The following MYO5C variants were observed in gnomAD, a reference collection of about 807,000 sequenced individuals.
MYO5C encodes the protein myosin VC.
MYO5C carries 194 observed loss-of-function variants against 235.7 expected under a neutral mutation model. That is an observed-to-expected ratio of 0.82 (90% CI 0.73 to 0.93). MYO5C has a LOEUF of 0.93. Ranked by LOEUF, MYO5C falls within the 40% of genes least tolerant of loss-of-function variation. The pLI is 0.00. For missense variants in MYO5C, 2,038 were observed against 2,127.2 expected (o/e 0.96, Z 0.82); for synonymous variants, 707 against 754.8 (o/e 0.94, Z 1.04).
chr15:52,237,435 C>G, intron 22 of MYO5C, 47 bp downstream of exon 22: 1 of 1,576,552 alleles, frequency 6.3e-7, no homozygotes, highest in Non-Finnish European at 8.6e-7. Context: ...ATCTTTTTCA[C>G]AGAGAGTCCG....
At chr15:52,225,751 T>C (rs897335476) in intron 25 of MYO5C, among the ~76,000 whole-genome samples, 4 of 152,126 alleles carry the variant, frequency 2.6e-5, no homozygotes, top group Non-Finnish European at 4.4e-5. Flanking sequence ...GTTGTATCAG[T>C]AGAATTAACT....
rs576821705 is a variant in MYO5C, at chr15:52,236,401, C to T, written c.2869-638G>A. ...TTGAAAATGCAGCAGAGGCTGGGCA[C>T]GGTGGCTCACACCTGTAATCCCTGC... On this transcript the variant is annotated intron_variant, in intron 22 of 40. Transcript: ENST00000261839. Among the ~76,000 whole-genome samples, 5 of 152,280 alleles carry T rather than the reference C, an allele frequency of 3.3e-5. No homozygotes were observed. The East Asian group carries it at 5.8e-4, about 18-fold the overall frequency.
At position 52,291,736 on chromosome 15, in the gene MYO5C, T is replaced by TTTTTTTTG. The variant is rs2037394221; in HGVS notation, c.27+3873_27+3874insCAAAAAAA. On this transcript the variant is annotated intron_variant, in intron 1 of 40. Coordinates refer to ENST00000261839, the MANE Select transcript of MYO5C (RefSeq NM_018728.4). ...TCTTTGTTTGCATATTTTATGTTTTTTTTTTTTTTTTTTTTTTTTTGAGAC... is the reference window on the plus strand; with the variant it reads ...TCTTTGTTTGCATATTTTATGTTTTTTTTTTTTGTTTTTTTTTTTTTTTTTTTTGAGAC... 1.1e-4 allele frequency among the ~76,000 whole-genome samples: 8 copies of TTTTTTTTG among 71,398 alleles called. No individual in the cohort carries two copies. The Admixed American group carries it at 1.1e-3, about 10-fold the overall frequency. The allele number at this position is 71,398 out of a possible 152,430, so 46.8% of individuals were successfully genotyped here.
At chr15:52,281,425 C>T (rs2037160023) in intron 2 of MYO5C, among the ~76,000 whole-genome samples, 1 of 152,240 alleles carries the variant, frequency 6.6e-6, no homozygotes, top group Non-Finnish European at 1.5e-5. Flanking sequence ...CAAACTGCCA[C>T]TGCAGCTGCT....
At chr15:52,203,220 GGCCCATGAAATGTTTTGA>G (rs1313312383) in intron 38 of MYO5C, among the ~76,000 whole-genome samples, 1 of 151,906 alleles carries the variant, frequency 6.6e-6, no homozygotes, top group African/African-American at 2.4e-5. Flanking sequence ...CACTGTGCCT[GGCCCATGAAATGTTTTGA>G]TACAGGCATG....
At chr15:52,241,751 T>TGA (rs56402436) in intron 20 of MYO5C, among the ~76,000 whole-genome samples, 2 of 150,148 alleles carry the variant, frequency 1.3e-5, no homozygotes, top group African/African-American at 2.5e-5. Context: ...TGTGTGTGTG[T>TGA]GAGAGAGAGA....
intron 10 of MYO5C, among the ~76,000 whole-genome samples, chr15:52,260,112 C>A (rs1238332709): frequency 2.6e-5 from 4 of 152,236 alleles, no homozygotes; most frequent in Non-Finnish European, 4.4e-5. Context: ...ACAGAGCCCT[C>A]CATGCCAGCT....
rs374813244 is a variant in MYO5C at position 52,246,973 on chromosome 15, C to T, written c.1923G>A (p.Ala641=). 53 of 1,613,956 alleles carry T rather than the reference C, an allele frequency of 3.3e-5. No homozygotes were observed. Among genetic ancestry groups the T allele is most frequent in the Admixed American group, 3.2e-4 (19 of 59,970 alleles). Residue 641 remains alanine, a synonymous_variant, in exon 16 of 41, where the codon GCG becomes GCA. Coordinates refer to ENST00000261839, the MANE Select transcript of MYO5C (RefSeq NM_018728.4). The stretch of plus-strand genomic sequence containing the variant: ...TGCATCGAACGTAGTGGGGCGTCGT[C>T]GCATTGAGGGTCTCCATGAGCAAGT... ...SLYLLMETLN[A]TTPHYVRCIK...
At chr15:52,292,429 A>G (rs749358536) in intron 1 of MYO5C, among the ~76,000 whole-genome samples, 5 of 152,220 alleles carry the variant, frequency 3.3e-5, no homozygotes, top group Non-Finnish European at 5.9e-5. Context: ...CATCACTTGT[A>G]TGTTACCTTA....
At chr15:52,252,215 A>G (rs1446492561) in intron 12 of MYO5C, among the ~76,000 whole-genome samples, 1 of 152,148 alleles carries the variant, frequency 6.6e-6, no homozygotes, top group Non-Finnish European at 1.5e-5. Flanking sequence ...TTTCTTCCCA[A>G]AGAAATCTAA....
Position 52,252,076 on chromosome 15 carries a change from G to A in MYO5C, c.1537-561C>T, listed in dbSNP as rs969614516. Among the ~76,000 whole-genome samples, 6 of 152,188 alleles carry A rather than the reference G, an allele frequency of 3.9e-5. No individual in the cohort carries two copies. The South Asian group carries it at 1.0e-3, about 26-fold the overall frequency. ...ACAAATAACAATTATATATATTTGT[G>A]GGGTATTTGATGTGATATTTTAATG... On this transcript the variant is annotated intron_variant, in intron 12 of 40. Coordinates refer to ENST00000261839, the MANE Select transcript of MYO5C (RefSeq NM_018728.4).
At chr15:52,247,729 T>C in intron 14 of MYO5C, 137 bp from the exon 15 acceptor site, 1 of 885,986 alleles carries the variant, frequency 1.1e-6, no homozygotes, top group Non-Finnish European at 1.7e-6. Context: ...TACAGCCAAA[T>C]CTCAATTCCA....
chr15:52,282,292 C>T (rs994669739), intron 2 of MYO5C, among the ~76,000 whole-genome samples: 1 of 152,162 alleles, frequency 6.6e-6, no homozygotes, highest in Non-Finnish European at 1.5e-5. Context: ...TCCCTCCAGT[C>T]TCCTCCCACT....
chr15:52,223,304 C>T (rs907874331), intron 29 of MYO5C, among the ~76,000 whole-genome samples: 26 of 152,128 alleles, frequency 1.7e-4, no homozygotes, highest in African/African-American at 4.3e-4. Context: ...CACACTTACG[C>T]GCACACACAG....
chr15:52,287,434 A>G (rs995017084), intron 1 of MYO5C, among the ~76,000 whole-genome samples: 2 of 152,242 alleles, frequency 1.3e-5, no homozygotes, highest in Admixed American at 1.3e-4. Flanking sequence ...AAAATGGATT[A>G]GGAATGGGAT....
At chr15:52,259,046 G>A (rs930581259) in intron 10 of MYO5C, among the ~76,000 whole-genome samples, 1 of 152,244 alleles carries the variant, frequency 6.6e-6, no homozygotes, top group Non-Finnish European at 1.5e-5. Flanking sequence ...TCAGTCCCAC[G>A]GTGGCAGGAG....
intron 19 of MYO5C, among the ~76,000 whole-genome samples, chr15:52,244,056 G>A (rs1017920532): frequency 3.9e-5 from 6 of 152,130 alleles, no homozygotes; most frequent in Admixed American, 6.5e-5. Flanking sequence ...AAGGGGCCCC[G>A]GGCCTCTCCC....
rs758093767 is a variant in MYO5C, at chr15:52,251,452, G to C, written c.1600C>G (p.Pro534Ala). The C allele has an allele frequency of 1.2e-6, 2 of 1,604,960 alleles. No individual in the cohort carries two copies. The highest frequency in any genetic ancestry group is 2.7e-5 in the African/African-American group (2 of 74,442). Residue 534 changes from proline to alanine, a missense_variant, in exon 13 of 41, where the codon CCT (proline) becomes GCT (alanine). Coordinates refer to ENST00000261839, the MANE Select transcript of MYO5C (RefSeq NM_018728.4). ...GACATTCTAGGCTTTTCAAACAAAG[G>C]GTTCCTGTTGACAAAATTATTATAC... ...KLYNNFVNRN[P>A]LFEKPRMSNT...
chr15:52,228,695 T>A (rs2035883859), intron 25 of MYO5C, among the ~76,000 whole-genome samples: 1 of 152,230 alleles, frequency 6.6e-6, no homozygotes, highest in Non-Finnish European at 1.5e-5. Context: ...TATGCTCTTA[T>A]TAACTACATT....
Sources: gnomAD v4.1 joint callset for allele counts (sites outside exome capture counted in the v4.1 genomes callset) on GRCh38, gnomAD v4.1.1 for gene constraint, MANE v1.5 for transcripts, NCBI Gene and HGNC (gene_info 2026-07-23, HGNC 2026-07-21) for gene names.